The following BTRC variants were observed in gnomAD, a reference collection of about 807,000 sequenced individuals.
BTRC encodes the protein F-box/WD repeat-containing protein 1A.
BTRC carries 42 observed loss-of-function variants against 85.5 expected under a neutral mutation model. That is an observed-to-expected ratio of 0.49 (90% CI 0.38 to 0.64). The LOEUF (loss-of-function observed/expected upper bound fraction) is 0.64. BTRC is among the 30% of genes least tolerant of loss of function. The pLI is 0.00. For missense variants in BTRC, 594 were observed against 743.5 expected (o/e 0.80, Z 2.34); for synonymous variants, 255 against 263.3 (o/e 0.97, Z 0.30).
intron 1 of BTRC, among the ~76,000 whole-genome samples, chr10:101,393,595 C>T (rs573730932): frequency 1.8e-4 from 27 of 152,184 alleles, no homozygotes; most frequent in Non-Finnish European, 3.5e-4. Context: ...ATTCCAACAG[C>T]ATTTCAGTCT....
chr10:101,354,299 C>T (rs1249248150), intron 1 of BTRC, 71 bp downstream of exon 1: 3 of 1,509,930 alleles, frequency 2.0e-6, no homozygotes, highest in East Asian at 5.0e-5. Context: ...CTGGGCCGCC[C>T]GCCCACTGCG....
chr10:101,368,246 G>A (rs1942527221), intron 1 of BTRC, among the ~76,000 whole-genome samples: 1 of 152,184 alleles, frequency 6.6e-6, no homozygotes, highest in Admixed American at 6.5e-5. Flanking sequence ...CTTGGCGTGT[G>A]ATTTCTGCAC....
chr10:101,481,074 A>G (rs570187720), intron 4 of BTRC, among the ~76,000 whole-genome samples: 1 of 152,118 alleles, frequency 6.6e-6, no homozygotes, highest in Non-Finnish European at 1.5e-5. Context: ...AGTGCATGCC[A>G]CCACACCCAG....
In BTRC at chr10:101,554,817, T is replaced by C. The variant is rs2062705288; in HGVS notation, c.*1694T>C. The C allele has an allele frequency of 6.6e-6, 1 of 152,338 alleles. No individual in the cohort carries two copies. The highest frequency in any genetic ancestry group is 1.5e-5 in the Non-Finnish European group (1 of 68,036). 9.4% of individuals were successfully genotyped at this position (152,338 alleles called of 1,614,324 possible). On this transcript the variant is annotated 3_prime_UTR_variant, in exon 15 of 15. Transcript: ENST00000370187. ...CACACCAACCTGGGAGCACACAGAA[T>C]ACTATTAATGTGCACCCAGCTGGTC...
intron 1 of BTRC, among the ~76,000 whole-genome samples, chr10:101,382,076 A>G (rs547149812): frequency 4.4e-4 from 58 of 131,668 alleles, no homozygotes; most frequent in African/African-American, 1.4e-3. Context: ...TTCGCCTCCC[A>G]GGTTCAAGTG....
chr10:101,502,735 T>G (rs1326432131), intron 4 of BTRC, among the ~76,000 whole-genome samples: 3 of 152,188 alleles, frequency 2.0e-5, no homozygotes, highest in Non-Finnish European at 4.4e-5. Flanking sequence ...TCCTCGTTCA[T>G]TTAGATTAAC....
intron 8 of BTRC, among the ~76,000 whole-genome samples, chr10:101,532,748 A>ATGTG (rs1240384646): frequency 2.4e-4 from 17 of 71,340 alleles, no homozygotes; most frequent in South Asian, 6.2e-4. Context: ...TACTGAAGCT[A>ATGTG]TATGTGTGTG....
chr10:101,471,662 T>G (rs553850079), intron 3 of BTRC, among the ~76,000 whole-genome samples: 1 of 152,294 alleles, frequency 6.6e-6, no homozygotes, highest in East Asian at 1.9e-4. Flanking sequence ...CCTGGTGGTG[T>G]TTCTTCCTTC....
intron 1 of BTRC, among the ~76,000 whole-genome samples, chr10:101,381,962 CTTTTTTTTTTTTTTTTTTTTTTTT>C (rs71016314): frequency 2.2e-4 from 11 of 49,106 alleles, no homozygotes; most frequent in African/African-American, 8.9e-4. Flanking sequence ...CTAAGAATGT[CTTTTTTTTTTTTTTTTTTTTTTTT>C]TTTTTTTTTT....
upstream of BTRC, chr10:101,354,120 C>A: frequency 6.5e-7 from 1 of 1,539,760 alleles, no homozygotes; most frequent in Non-Finnish European, 8.8e-7. Flanking sequence ...GCTGCGTTGG[C>A]TGCGGCCTGG....
At chr10:101,532,912 A>G (rs750015432) in intron 8 of BTRC, 40 bp from the exon 9 acceptor site, 2 of 1,484,846 alleles carry the variant, frequency 1.3e-6, no homozygotes, top group Non-Finnish European at 1.9e-6. Context: ...ACAGCACCCC[A>G]TCATCACATT....
intron 1 of BTRC, among the ~76,000 whole-genome samples, chr10:101,369,152 T>G (rs1022307931): frequency 4.6e-5 from 7 of 152,212 alleles, no homozygotes; most frequent in African/African-American, 1.7e-4. Context: ...GTTGACTGTT[T>G]AGACATAGTC....
chr10:101,527,832 TTAC>T (rs2062220599), intron 6 of BTRC, among the ~76,000 whole-genome samples: 1 of 151,170 alleles, frequency 6.6e-6, no homozygotes, highest in South Asian at 2.1e-4. Flanking sequence ...AAGAATATTA[TTAC>T]TACTTCTCAA....
chr10:101,425,659 T>G (rs1035767055), intron 1 of BTRC, among the ~76,000 whole-genome samples: 3 of 151,762 alleles, frequency 2.0e-5, no homozygotes, highest in African/African-American at 7.3e-5. Context: ...AAAAAATGTT[T>G]TTTAGCCAGG....
intron 1 of BTRC, among the ~76,000 whole-genome samples, chr10:101,381,962 C>CTTTTTTTTTTTTT (rs71016314): frequency 2.0e-4 from 10 of 49,156 alleles, no homozygotes; most frequent in African/African-American, 8.9e-4. Context: ...CTAAGAATGT[C>CTTTTTTTTTTTTT]TTTTTTTTTT....
At chr10:101,361,613 A>C (rs1942210365) in intron 1 of BTRC, among the ~76,000 whole-genome samples, 1 of 152,236 alleles carries the variant, frequency 6.6e-6, no homozygotes, top group South Asian at 2.1e-4. Flanking sequence ...CTGGATCTTA[A>C]CAGTTTCAAC....
chr10:101,550,788 C>T lies in BTRC; in HGVS notation c.1746C>T (p.Phe582=). The T allele has an allele frequency of 1.2e-6, 2 of 1,614,108 alleles. No homozygotes were observed. The highest frequency in any genetic ancestry group is 1.1e-5 in the South Asian group (1 of 91,074). The change falls in exon 14 of 15, where the codon TTC becomes TTT. Residue 582 remains phenylalanine (F), a synonymous_variant. Coordinates refer to ENST00000370187, the MANE Select transcript of BTRC (RefSeq NM_033637.4). The stretch of plus-strand genomic sequence containing the variant: ...ATGACACAATCCTCATCTGGGACTT[C>T]CTAAATGATCCAGCTGCCCAAGCTG... ...SHDDTILIWD[F]LNDPAAQAEP... is the part of the protein sequence containing the mutation.
At chr10:101,485,344 T>C (rs1945954170) in intron 4 of BTRC, among the ~76,000 whole-genome samples, 1 of 152,240 alleles carries the variant, frequency 6.6e-6, no homozygotes, top group South Asian at 2.1e-4. Flanking sequence ...ACAAAATGTG[T>C]TTAAAACTTT....
chr10:101,435,762 G>T (rs1383766422), intron 2 of BTRC, among the ~76,000 whole-genome samples: 1 of 152,108 alleles, frequency 6.6e-6, no homozygotes, highest in Non-Finnish European at 1.5e-5. Flanking sequence ...AACTTTAAAA[G>T]AGACAGTGAA....
Sources: gnomAD v4.1 joint callset for allele counts (sites outside exome capture counted in the v4.1 genomes callset) on GRCh38, gnomAD v4.1.1 for gene constraint, MANE v1.5 for transcripts, NCBI Gene and HGNC (gene_info 2026-07-23, HGNC 2026-07-21) for gene names.